SLC25A12: variants seen among roughly 807,000 people sequenced by gnomAD.
The protein encoded by SLC25A12 is solute carrier family 25 member 12, also known as electrogenic aspartate/glutamate antiporter SLC25A12, mitochondrial.
SLC25A12 carries 32 observed loss-of-function variants against 83.3 expected under a neutral mutation model. The observed-to-expected ratio is 0.38, with a 90% CI of 0.29 to 0.52. The LOEUF (loss-of-function observed/expected upper bound fraction) is 0.52. SLC25A12 is among the 20% of genes least tolerant of loss of function. The probability of loss-of-function intolerance (pLI) is 0.84; values close to 1 mark genes in which losing one functional copy is unlikely to be tolerated. For synonymous variants in SLC25A12, 267 were observed against 291.1 expected, an observed-to-expected ratio of 0.92 and a Z score of 0.84; for missense variants, 611 against 835.6, an observed-to-expected ratio of 0.73 and a Z score of 3.31.
At chr2:171,845,433 T>C (rs1035529758) in intron 4 of SLC25A12, among the ~76,000 whole-genome samples, 3 of 152,134 alleles carry the variant, frequency 2.0e-5, no homozygotes, top group Non-Finnish European at 2.9e-5. Context: ...CCTGTTTAAC[T>C]GATGTCTTAA....
chr2:171,819,465 A>T (rs532902641), intron 9 of SLC25A12, among the ~76,000 whole-genome samples: 43 of 107,914 alleles, frequency 4.0e-4, no homozygotes, highest in South Asian at 2.2e-3. Flanking sequence ...ATTATATATT[A>T]TATATATTAA....
rs59159634 is a variant in SLC25A12, at chr2:171,876,546, G to GCA, written c.67-7724_67-7723insTG. Among the ~76,000 whole-genome samples the GCA allele has an allele frequency of 6.0e-5, 5 of 82,978 alleles. 1 individual carries two copies. Among genetic ancestry groups the GCA allele is most frequent in the African/African-American group, 2.4e-4 (4 of 16,656 alleles). The allele number at this position is 82,978 out of a possible 152,430, so 54.4% of individuals were successfully genotyped here. A position where few individuals can be genotyped will look rare whatever the true frequency, so the allele number is the denominator to read the frequency against. On this transcript the variant is annotated intron_variant, in intron 2 of 17. Transcript: ENST00000422440. ...AGGGGTTTGGGTTTTTTTTTTTTGG[G>GCA]GGGGGGGGGACTCAAGTGATCCTCC...
intron 15 of SLC25A12, among the ~76,000 whole-genome samples, chr2:171,789,437 C>G (rs1209339683): frequency 6.6e-6 from 1 of 152,068 alleles, no homozygotes; most frequent in Non-Finnish European, 1.5e-5. Flanking sequence ...ACCGTGTTAG[C>G]CAGGATGGTC....
chr2:171,843,333 T>C (rs1684720443), intron 5 of SLC25A12, among the ~76,000 whole-genome samples: 1 of 152,080 alleles, frequency 6.6e-6, no homozygotes, highest in Non-Finnish European at 1.5e-5. Flanking sequence ...AACTAGAAAC[T>C]CTAAGAACAA....
intron 5 of SLC25A12, 74 bp downstream of exon 5, chr2:171,844,295 A>C (rs1684746422): frequency 6.7e-7 from 1 of 1,491,662 alleles, no homozygotes; most frequent in Non-Finnish European, 9.3e-7. Context: ...TTTTTGTAAT[A>C]AACTTAATAA....
intron 2 of SLC25A12, among the ~76,000 whole-genome samples, chr2:171,873,721 C>T (rs573776068): frequency 6.6e-5 from 10 of 151,932 alleles, no homozygotes; most frequent in Admixed American, 6.6e-4. Context: ...TATCCATAAA[C>T]AAGTAAATTA....
chr2:171,822,610 T>A (rs1451527779), intron 9 of SLC25A12, among the ~76,000 whole-genome samples: 1 of 152,094 alleles, frequency 6.6e-6, no homozygotes, highest in East Asian at 1.9e-4. Flanking sequence ...GGTCTCAAAC[T>A]CCTGGGCTCA....
Position 171,868,662 on chromosome 2 carries a change from A to G in SLC25A12, c.209+19T>C. On this transcript the variant is annotated intron_variant, in intron 3 of 17. Transcript: ENST00000422440. ...TATTCCAGAACATTAGTTTTCAGAA[A>G]ATGCATGAAGATACTTACCCATCCT... The G allele has an allele frequency of 6.2e-7, 1 of 1,611,862 alleles. No individual in the cohort carries two copies. Among genetic ancestry groups the G allele is most frequent in the Non-Finnish European group, 8.5e-7 (1 of 1,177,990 alleles).
chr2:171,800,323 TCACACACACA>T (rs60362750), intron 13 of SLC25A12, among the ~76,000 whole-genome samples: 4 of 149,428 alleles, frequency 2.7e-5, no homozygotes, highest in Non-Finnish European at 6.0e-5. Flanking sequence ...AACAGATACT[TCACACACACA>T]CACACACACA....
At chr2:171,830,203 A>C (rs1211124281) in intron 8 of SLC25A12, among the ~76,000 whole-genome samples, 2 of 152,268 alleles carry the variant, frequency 1.3e-5, no homozygotes, top group East Asian at 3.9e-4. Context: ...CATTTTACTG[A>C]CTACTTTATA....
chr2:171,894,220 G>A lies in SLC25A12; in HGVS notation c.-6C>T. 2 of 1,609,152 alleles carry A rather than the reference G, an allele frequency of 1.2e-6. No homozygotes were observed. The highest frequency in any genetic ancestry group is 2.2e-5 in the South Asian group (2 of 90,072). Reference sequence around the variant, plus strand: ...GGAGTCACCTTGACCGCCATGCTGTGCTCGGAAGCCGGGGACGAGCGAGTG... The same window carrying A: ...GGAGTCACCTTGACCGCCATGCTGTACTCGGAAGCCGGGGACGAGCGAGTG... On this transcript the variant is annotated 5_prime_UTR_variant, in exon 1 of 18. Transcript: ENST00000422440.
chr2:171,793,481 G>A, intron 14 of SLC25A12, 146 bp downstream of exon 14: 2 of 803,686 alleles, frequency 2.5e-6, no homozygotes, highest in Non-Finnish European at 4.1e-6. Flanking sequence ...TCTCATACAA[G>A]TGTCCTGATT....
intron 2 of SLC25A12, among the ~76,000 whole-genome samples, chr2:171,878,990 A>G (rs983731934): frequency 6.6e-6 from 1 of 152,256 alleles, no homozygotes; most frequent in Admixed American, 6.5e-5. Flanking sequence ...CCTGTTAAAC[A>G]GTACAATGTG....
chr2:171,804,020 C>T (rs1282299819), intron 13 of SLC25A12, among the ~76,000 whole-genome samples: 2 of 152,088 alleles, frequency 1.3e-5, no homozygotes, highest in East Asian at 1.9e-4. Flanking sequence ...CATGTCCATG[C>T]AAAACCTTAT....
At position 171,792,545 on chromosome 2, in the gene SLC25A12, T is replaced by G. The variant is rs1683500897; in HGVS notation, c.1447-956A>C. ...AACTCCTGGGCTCAAGCAATCCCCC[T>G]GCCTTGGCCTCCCAAAGTGCTGAGA... On this transcript the variant is annotated intron_variant, in intron 14 of 17. Transcript: ENST00000422440. Among the ~76,000 whole-genome samples, 3 of 151,448 alleles carry G rather than the reference T, an allele frequency of 2.0e-5. No individual in the cohort carries two copies. In the South Asian group the frequency reaches 6.3e-4, roughly 32 times the overall value.
chr2:171,816,908 C>A (rs1374263623), intron 9 of SLC25A12, among the ~76,000 whole-genome samples: 1 of 152,156 alleles, frequency 6.6e-6, no homozygotes, highest in Non-Finnish European at 1.5e-5. Context: ...TGTTGAGACC[C>A]TACTGCCCAA....
chr2:171,822,728 T>C (rs552565613), intron 9 of SLC25A12, among the ~76,000 whole-genome samples: 1 of 152,192 alleles, frequency 6.6e-6, no homozygotes, highest in Admixed American at 6.5e-5. Flanking sequence ...AATGAGAGGA[T>C]GTTACATAAT....
chr2:171,790,971 G>A (rs1683439587), intron 15 of SLC25A12, among the ~76,000 whole-genome samples: 1 of 152,158 alleles, frequency 6.6e-6, no homozygotes, highest in Admixed American at 6.5e-5. Context: ...TGAGGGCAAT[G>A]GTAGGAAGAA....
At chr2:171,798,855 A>G (rs1056324070) in intron 13 of SLC25A12, among the ~76,000 whole-genome samples, 19 of 152,228 alleles carry the variant, frequency 1.2e-4, no homozygotes, top group African/African-American at 3.6e-4. Flanking sequence ...TGATCCGAAT[A>G]TTGGTGTTTC....
Sources: gnomAD v4.1 joint callset for allele counts (sites outside exome capture counted in the v4.1 genomes callset) on GRCh38, gnomAD v4.1.1 for gene constraint, MANE v1.5 for transcripts, NCBI Gene and HGNC (gene_info 2026-07-23, HGNC 2026-07-21) for gene names.